UBR4: variants seen among roughly 807,000 people sequenced by gnomAD.
UBR4 encodes the protein E3 ubiquitin-protein ligase UBR4.
UBR4 carries 124 observed loss-of-function variants against 575.6 expected under a neutral mutation model. That is an observed-to-expected ratio of 0.22 (90% confidence interval 0.19 to 0.25). UBR4 has a LOEUF of 0.25. Ranked by LOEUF, UBR4 falls within the 10% of genes least tolerant of loss-of-function variation. The pLI, the probability that UBR4 is intolerant of heterozygous loss-of-function variation, is 1.00. For missense variants in UBR4, 4,818 were observed against 6,478.8 expected, an observed-to-expected ratio of 0.74 and a Z score of 8.80; for synonymous variants, 2,455 against 2,473.7, an observed-to-expected ratio of 0.99 and a Z score of 0.22.
At position 19,117,564 on chromosome 1, in the gene UBR4, C is replaced by A. The variant is rs1570685326; in HGVS notation, c.10630-150G>T. ...TTTTGTAGAGATGGGGTCTCACCAT[C>A]TTGCCCAGGCTGGTCTAAAACCCCT... On this transcript the variant is annotated intron_variant, in intron 72 of 105. Transcript: ENST00000375254. This position sits in a 1 kb window ranked among gnomAD's most constrained non-coding sequence, Gnocchi z 4.0. 3.0e-6 allele frequency: 3 copies of A among 1,003,976 alleles called. No individual in the cohort carries two copies. The allele number at this position is 1,003,976 out of a possible 1,614,324, so 62.2% of individuals were successfully genotyped here.
At chr1:19,177,057 C>A (rs567471549) in intron 19 of UBR4, among the ~76,000 whole-genome samples, 1 of 152,206 alleles carries the variant, frequency 6.6e-6, no homozygotes, top group East Asian at 1.9e-4. Context: ...TAAGTCTGAA[C>A]GGATCCTCCT....
At chr1:19,109,881 T>C (rs530041712) in intron 81 of UBR4, among the ~76,000 whole-genome samples, 1 of 152,388 alleles carries the variant, frequency 6.6e-6, no homozygotes, top group Admixed American at 6.5e-5. Context: ...CACTTTGCTC[T>C]CTGCTTTGCA....
intron 67 of UBR4, 58 bp downstream of exon 67, chr1:19,121,876 G>C (rs1463682343): frequency 1.8e-5 from 28 of 1,582,632 alleles, no homozygotes; most frequent in Non-Finnish European, 2.4e-5. Context: ...CATATAGTAG[G>C]CCTTAACAGT....
At chr1:19,201,902 C>T in intron 1 of UBR4, 87 bp from the exon 2 acceptor site, 1 of 1,117,850 alleles carries the variant, frequency 8.9e-7, no homozygotes, top group Non-Finnish European at 1.3e-6. Context: ...ATTATTTAAT[C>T]CTTACTACCT....
intron 1 of UBR4, among the ~76,000 whole-genome samples, chr1:19,208,585 A>G (rs538654645): frequency 6.6e-6 from 1 of 152,262 alleles, no homozygotes; most frequent in East Asian, 1.9e-4. Context: ...GTCTACAAAT[A>G]CAACTCTTGA....
intron 60 of UBR4, among the ~76,000 whole-genome samples, chr1:19,129,646 T>A (rs1309854771): frequency 6.6e-6 from 1 of 152,236 alleles, no homozygotes; most frequent in Non-Finnish European, 1.5e-5. Context: ...ACTGGACCCA[T>A]GAGTTTTCCC....
At chr1:19,208,145 T>C (rs1361966522) in intron 1 of UBR4, among the ~76,000 whole-genome samples, 2 of 152,200 alleles carry the variant, frequency 1.3e-5, no homozygotes, top group Non-Finnish European at 2.9e-5. Context: ...CAAAGCTAAC[T>C]GAGCTCCAAA....
Position 19,172,863 on chromosome 1 carries a change from C to G in UBR4, c.3521+1G>C. On this transcript the variant is annotated splice_donor_variant, in intron 25 of 105. Coordinates refer to ENST00000375254, the MANE Select transcript of UBR4 (RefSeq NM_020765.3). LOFTEE classifies it high-confidence loss of function. Reference sequence around the variant, plus strand: ...ATCTCTGGGCAGGCAGTTCGCCACACCTGGTGAACGATGCATAGGTGTCAA... The same window carrying G: ...ATCTCTGGGCAGGCAGTTCGCCACAGCTGGTGAACGATGCATAGGTGTCAA... The G allele has an allele frequency of 6.2e-7, 1 of 1,614,130 alleles. No individual in the cohort carries two copies. The highest frequency in any genetic ancestry group is 1.1e-5 in the South Asian group (1 of 91,082).
In UBR4 at chr1:19,153,479, C is replaced by T. The variant is rs2150326043; in HGVS notation, c.6654G>A (p.Arg2218=). 5 of 1,614,050 alleles carry T rather than the reference C, an allele frequency of 3.1e-6. No homozygotes were observed. The highest frequency in any genetic ancestry group is 4.2e-6 in the Non-Finnish European group (5 of 1,180,012). ...GCTGCTGCTCATTGCAGGCCGTGTG[C>T]CTAATAGCAACCATGTCTTGGATCT... ...KAKIQDMVAI[R]HTACNEQQRT... is the part of the protein sequence containing the mutation. Residue 2218 remains arginine, a synonymous_variant, in exon 46 of 106, where the codon AGG becomes AGA. Coordinates refer to ENST00000375254, the MANE Select transcript of UBR4 (RefSeq NM_020765.3). This position sits in a 1 kb window ranked among gnomAD's most constrained non-coding sequence, Gnocchi z 4.1.
chr1:19,165,115 T>C, intron 31 of UBR4, 118 bp from the exon 32 acceptor site: 1 of 1,507,360 alleles, frequency 6.6e-7, no homozygotes, highest in Non-Finnish European at 9.1e-7. Flanking sequence ...TCAACTTCCT[T>C]CCAAACTTTC....
chr1:19,130,992 T>G (rs1443285745), intron 60 of UBR4, among the ~76,000 whole-genome samples: 1 of 152,118 alleles, frequency 6.6e-6, no homozygotes, highest in Non-Finnish European at 1.5e-5. Context: ...CCGTGCAGTC[T>G]TGACTTCCTG....
intron 19 of UBR4, among the ~76,000 whole-genome samples, chr1:19,177,087 A>C (rs2090341936): frequency 6.6e-6 from 1 of 152,220 alleles, no homozygotes; most frequent in Non-Finnish European, 1.5e-5. Context: ...TTGGATCCTT[A>C]CAACAAAGGA....
rs758389159 is a variant in UBR4 at position 19,187,508 on chromosome 1, A to G, written c.1427T>C (p.Leu476Ser). The G allele has an allele frequency of 6.2e-7, 1 of 1,613,870 alleles. No homozygotes were observed. The highest frequency in any genetic ancestry group is 1.1e-5 in the South Asian group (1 of 91,090). The change falls in exon 12 of 106, where the codon TTG (leucine) becomes TCG (serine). Residue 476 changes from leucine to serine, a missense_variant. By Grantham distance (145) the Leu-to-Ser change is moderately radical. This residue lies in a region of UBR4 where 162 missense variants were observed against 216.4 expected (regional missense o/e 0.75). Coordinates refer to ENST00000375254, the MANE Select transcript of UBR4 (RefSeq NM_020765.3). ...HQGFGVLSVI[L>S]ANHAIKLLTS... ...TAGCAGTTTGATGGCATGGTTTGCC[A>G]ATATTACTGAGAGTACCCCAAATCC...
rs2086252403 is a variant in UBR4, at chr1:19,155,007, G to C, written c.6369C>G (p.Phe2123Leu). The C allele has an allele frequency of 1.2e-6, 2 of 1,614,174 alleles. No homozygotes were observed. The highest frequency in any genetic ancestry group is 8.5e-7 in the Non-Finnish European group (1 of 1,180,032). ...VYYSHVLQML[F>L]FSYCQGKSFA... Reference sequence around the variant, plus strand: ...ATGATTTGCCTTGACAATAGCTGAAGAACAACATCTGCAACACGTGGGAGT... The same window carrying C: ...ATGATTTGCCTTGACAATAGCTGAACAACAACATCTGCAACACGTGGGAGT... Residue 2123 changes from phenylalanine (F) to leucine (L), a missense_variant, in exon 44 of 106, where the codon TTC (phenylalanine) becomes TTG (leucine). Physicochemically the swap from Phe to Leu is conservative, Grantham distance 22. This residue lies in a region of UBR4 where 461 missense variants were observed against 606.9 expected (regional missense o/e 0.76). Coordinates refer to ENST00000375254, the MANE Select transcript of UBR4 (RefSeq NM_020765.3).
Position 19,175,064 on chromosome 1 carries a change from G to A in UBR4, c.2774-31C>T, listed in dbSNP as rs113929316. The A allele has an allele frequency of 1.6e-3, 2,559 of 1,587,402 alleles. 36 individuals carry two copies. In the African/African-American group the frequency reaches 0.031, roughly 19 times the overall value. On this transcript the variant is annotated intron_variant, in intron 20 of 105. Transcript: ENST00000375254. ...AAGTAATATGCTGATTAAAAGAATG[G>A]TTCCATTCTTAACTCTATCTGACTA...
Position 19,128,259 on chromosome 1 carries a change from T to C in UBR4, c.9063A>G (p.Leu3021=). 2 of 1,614,108 alleles carry C rather than the reference T, an allele frequency of 1.2e-6. No individual in the cohort carries two copies. Among genetic ancestry groups the C allele is most frequent in the Non-Finnish European group, 1.7e-6 (2 of 1,179,970 alleles). Residue 3021 remains leucine, a synonymous_variant, in exon 62 of 106, where the codon CTA becomes CTG. Coordinates refer to ENST00000375254, the MANE Select transcript of UBR4 (RefSeq NM_020765.3). ...DGEDEKDKGA[L]DNLLSQLIAE... is the part of the protein sequence containing the mutation. ...CAATAAGCTGGGAGAGCAGGTTGTC[T>C]AGGGCCCCCTTGTCTTTCTCATCTT...
chr1:19,095,087 C>T (rs1473486132), intron 93 of UBR4, 62 bp from the exon 94 acceptor site: 1 of 1,611,366 alleles, frequency 6.2e-7, no homozygotes, highest in Admixed American at 1.7e-5. Context: ...CTGCTGAGGA[C>T]AATTGCTCTC....
chr1:19,124,391 G>T, intron 65 of UBR4, 150 bp downstream of exon 65: 2 of 1,009,412 alleles, frequency 2.0e-6, no homozygotes, highest in Non-Finnish European at 2.8e-6. Flanking sequence ...CACACAGTAT[G>T]TTCCAGAAGG....
At chr1:19,086,413 A>G in intron 100 of UBR4, 143 bp from the exon 101 acceptor site, 1 of 1,261,236 alleles carries the variant, frequency 7.9e-7, no homozygotes, top group South Asian at 1.5e-5. Flanking sequence ...TGCGAAGAGA[A>G]TTTGCTATTT....
Sources: allele counts gnomAD v4.1 joint callset (sites outside exome capture counted in the v4.1 genomes callset), GRCh38; gene constraint gnomAD v4.1.1; regional missense constraint gnomAD v4.1.1; non-coding constraint Gnocchi (gnomAD v3.1); transcripts MANE v1.5; gene names NCBI Gene and HGNC (gene_info 2026-07-23, HGNC 2026-07-21).